The following FAIM variants were observed in gnomAD, a reference collection of about 807,000 sequenced individuals.
FAIM encodes the protein fas apoptotic inhibitory molecule 1.
Under a neutral mutation model 21.2 loss-of-function variants are expected in FAIM, and 14 were observed. That is an observed-to-expected ratio of 0.66 (90% CI 0.44 to 1.03). FAIM has a LOEUF of 1.03. Ranked by LOEUF, FAIM falls within the 50% of genes least tolerant of loss-of-function variation. FAIM has a pLI of 0.00. For missense variants in FAIM, 222 were observed against 247.1 expected, an observed-to-expected ratio of 0.90 and a Z score of 0.68; for synonymous variants, 86 against 80.4, an observed-to-expected ratio of 1.07 and a Z score of -0.37.
intron 1 of FAIM, among the ~76,000 whole-genome samples, chr3:138,616,033 C>A (rs1006197006): frequency 6.6e-6 from 1 of 152,164 alleles, no homozygotes; most frequent in Admixed American, 6.6e-5. Context: ...ATTATTGGCA[C>A]CCTCTACAGC....
chr3:138,624,656 T>C (rs2042922125), intron 4 of FAIM, among the ~76,000 whole-genome samples: 1 of 152,208 alleles, frequency 6.6e-6, no homozygotes, highest in South Asian at 2.1e-4. Context: ...CTATGCTGAC[T>C]ACAGCCTACA....
At chr3:138,610,873 C>T (rs532315556) in intron 1 of FAIM, 190 of 1,169,730 alleles carry the variant, frequency 1.6e-4, no homozygotes, top group Non-Finnish European at 2.3e-4. Flanking sequence ...TGTGAGCCAT[C>T]GCGCCTGGCC....
chr3:138,624,207 A>G (rs2042916389), intron 4 of FAIM, among the ~76,000 whole-genome samples: 1 of 152,214 alleles, frequency 6.6e-6, no homozygotes, highest in African/African-American at 2.4e-5. Flanking sequence ...GTGTCAACAC[A>G]CTTAAACATA....
intron 4 of FAIM, among the ~76,000 whole-genome samples, chr3:138,628,090 C>T (rs1339195325): frequency 2.0e-5 from 3 of 152,162 alleles, no homozygotes; most frequent in East Asian, 1.9e-4. Context: ...GACTCCTCCA[C>T]CCTGAGATGA....
At chr3:138,626,070 G>A (rs1437046956) in intron 4 of FAIM, among the ~76,000 whole-genome samples, 1 of 152,160 alleles carries the variant, frequency 6.6e-6, no homozygotes, top group Non-Finnish European at 1.5e-5. Context: ...GTTTCTCTTT[G>A]ATAGCATTTA....
At chr3:138,632,121 T>C (rs535969539) in intron 5 of FAIM, among the ~76,000 whole-genome samples, 14 of 151,690 alleles carry the variant, frequency 9.2e-5, no homozygotes, top group South Asian at 4.2e-4. Context: ...TTACTCTAGA[T>C]CACTGCTACT....
chr3:138,631,338 C>T (rs1299197824), intron 5 of FAIM, among the ~76,000 whole-genome samples: 1 of 151,876 alleles, frequency 6.6e-6, no homozygotes, highest in Non-Finnish European at 1.5e-5. Context: ...CTGCTTGAGC[C>T]CAGGAGTTCA....
intron 1 of FAIM, among the ~76,000 whole-genome samples, chr3:138,609,611 TCGA>T (rs377042356): frequency 2.5e-4 from 16 of 64,880 alleles, no homozygotes; most frequent in African/African-American, 8.8e-4. Context: ...TCTCTCTCTC[TCGA>T]CTCTCTCTCT....
At chr3:138,619,301 C>T (rs1270117024) in intron 1 of FAIM, among the ~76,000 whole-genome samples, 1 of 152,150 alleles carries the variant, frequency 6.6e-6, no homozygotes, top group Non-Finnish European at 1.5e-5. Flanking sequence ...TGTGTTTATC[C>T]TGGAGTTTGA....
chr3:138,609,614 A>ACT (rs1211208979), intron 1 of FAIM, among the ~76,000 whole-genome samples: 4,579 of 25,240 alleles, frequency 0.18, 504 homozygotes, highest in African/African-American at 0.36. Flanking sequence ...CTCTCTCTCG[A>ACT]CTCTCTCTCT....
chr3:138,619,882 A>C (rs1311655397), intron 2 of FAIM, 112 bp downstream of exon 2: 1 of 1,052,282 alleles, frequency 9.5e-7, no homozygotes, highest in Admixed American at 2.6e-5. Context: ...GTAAAATTGC[A>C]GAATACATGG....
chr3:138,622,328 A>G lies in FAIM; in HGVS notation c.318A>G (p.Lys106=), dbSNP rs772219171. The change falls in exon 4 of 6, where the codon AAA becomes AAG. Residue 106 remains lysine (K), a synonymous_variant. Coordinates refer to ENST00000360570, the MANE Select transcript of FAIM (RefSeq NM_001033031.2). ...AATATACTCTGGAAATTAATGGGAA[A>G]AGTCTCAAGAAGTATATGGAGGACA... ...AYEYTLEING[K]SLKKYMEDRS... is the part of the protein sequence containing the mutation. The G allele has an allele frequency of 4.2e-5, 68 of 1,613,882 alleles. No homozygotes were observed. The highest frequency in any genetic ancestry group is 5.4e-5 in the Non-Finnish European group (64 of 1,179,976).
chr3:138,622,478 G>A, intron 4 of FAIM, 62 bp downstream of exon 4: 1 of 1,086,614 alleles, frequency 9.2e-7, no homozygotes, highest in Non-Finnish European at 1.3e-6. Context: ...TTTAATTCCT[G>A]TAACTGTATT....
chr3:138,629,340 A>C (rs533431064), intron 5 of FAIM, 184 bp downstream of exon 5: 371 of 498,568 alleles, frequency 7.4e-4, no homozygotes, highest in Non-Finnish European at 1.1e-3. Flanking sequence ...TGGTACCGTG[A>C]GTTTGGAAAC....
chr3:138,615,265 C>A (rs1254349498), intron 1 of FAIM, among the ~76,000 whole-genome samples: 3 of 152,158 alleles, frequency 2.0e-5, no homozygotes, highest in Admixed American at 2.0e-4. Flanking sequence ...TCTTTTGCAC[C>A]ATCTTAAAGT....
At chr3:138,617,603 C>G (rs1231957481) in intron 1 of FAIM, among the ~76,000 whole-genome samples, 1 of 136,296 alleles carries the variant, frequency 7.3e-6, no homozygotes, top group Non-Finnish European at 1.5e-5. Context: ...ATTATACTAT[C>G]TTATACTATC....
At chr3:138,620,653 G>A (rs973029154) in intron 2 of FAIM, among the ~76,000 whole-genome samples, 1 of 151,982 alleles carries the variant, frequency 6.6e-6, no homozygotes, top group Non-Finnish European at 1.5e-5. Context: ...GCGCCATCAC[G>A]TGTGACTAAT....
At chr3:138,632,305 T>G (rs1391565161) in intron 5 of FAIM, among the ~76,000 whole-genome samples, 9 of 152,050 alleles carry the variant, frequency 5.9e-5, no homozygotes, top group Admixed American at 5.9e-4. Context: ...TTATACATTT[T>G]TTTGTTTCAT....
Position 138,622,327 on chromosome 3 carries a change from A to C in FAIM, c.317A>C (p.Lys106Thr). 6.2e-7 allele frequency: 1 copy of C among 1,614,016 alleles called. No homozygotes were observed. ...AYEYTLEING[K>T]SLKKYMEDRS... ...GAATATACTCTGGAAATTAATGGGA[A>C]AAGTCTCAAGAAGTATATGGAGGAC... The change falls in exon 4 of 6, where the codon AAA (lysine) becomes ACA (threonine). Residue 106 changes from lysine (K) to threonine (T), a missense_variant. Coordinates refer to ENST00000360570, the MANE Select transcript of FAIM (RefSeq NM_001033031.2).
Sources: allele counts gnomAD v4.1 joint callset (sites outside exome capture counted in the v4.1 genomes callset), GRCh38; gene constraint gnomAD v4.1.1; transcripts MANE v1.5; gene names NCBI Gene and HGNC (gene_info 2026-07-23, HGNC 2026-07-21).